The following FAM193A variants were observed in gnomAD, a reference collection of about 807,000 sequenced individuals.
FAM193A encodes the protein protein FAM193A.
FAM193A carries 22 observed loss-of-function variants against 126.5 expected under a neutral mutation model. The ratio of observed to expected loss-of-function variants is 0.17; its 90% CI spans 0.12 to 0.25. The LOEUF is 0.25. Among genes scored for constraint, FAM193A ranks in the 10% least tolerant of loss-of-function variants. The pLI, the probability that FAM193A is intolerant of heterozygous loss-of-function variation, is 1.00. For synonymous variants in FAM193A, 761 were observed against 646.8 expected, an observed-to-expected ratio of 1.18 and a Z score of -2.68; for missense variants, 1,675 against 1,672.8, an observed-to-expected ratio of 1.00 and a Z score of -0.02.
intron 6 of FAM193A, 100 bp downstream of exon 6, chr4:2,639,959 C>A: frequency 2.5e-6 from 3 of 1,184,962 alleles, no homozygotes; most frequent in Non-Finnish European, 3.5e-6. Flanking sequence ...TATGAAAGTT[C>A]TTGCAGGAAA....
rs370211813 is a variant in FAM193A at position 2,682,382 on chromosome 4, T to G, written c.2332-7124T>G. ...TCTTGCTATGTTACCCAAGCTGAACTTGAACTCCTAGCCTCAAGCAGTCCT... is the reference window on the plus strand; with the variant it reads ...TCTTGCTATGTTACCCAAGCTGAACGTGAACTCCTAGCCTCAAGCAGTCCT... On this transcript the variant is annotated intron_variant, in intron 13 of 20. Transcript: ENST00000637812. Among the ~76,000 whole-genome samples the G allele has an allele frequency of 2.6e-5, 4 of 152,286 alleles. 1 individual carries two copies. Among genetic ancestry groups the G allele is most frequent in the East Asian group, 1.9e-4 (1 of 5,180 alleles).
At chr4:2,547,900 C>T (rs565400438) in intron 1 of FAM193A, among the ~76,000 whole-genome samples, 1 of 151,948 alleles carries the variant, frequency 6.6e-6, no homozygotes, top group South Asian at 2.1e-4. Flanking sequence ...GCTGGGGTTG[C>T]AGGCGTGAGC....
intron 5 of FAM193A, among the ~76,000 whole-genome samples, chr4:2,637,120 A>G (rs1398481712): frequency 1.3e-5 from 2 of 152,216 alleles, no homozygotes; most frequent in African/African-American, 2.4e-5. Flanking sequence ...TGAGCCCAGG[A>G]GTTCAAGACC....
chr4:2,571,020 G>A (rs1461281676), intron 1 of FAM193A, among the ~76,000 whole-genome samples: 6 of 152,272 alleles, frequency 3.9e-5, no homozygotes, highest in African/African-American at 1.4e-4. Context: ...GTGGGCAGCT[G>A]TCTGTGCTGT....
intron 1 of FAM193A, among the ~76,000 whole-genome samples, chr4:2,539,900 A>G (rs1737123173): frequency 6.6e-6 from 1 of 151,290 alleles, no homozygotes; most frequent in Non-Finnish European, 1.5e-5. Context: ...GGAGTTCGAA[A>G]CCAGCCTGGT....
chr4:2,639,085 G>C (rs1272270888), intron 5 of FAM193A, among the ~76,000 whole-genome samples: 1 of 152,204 alleles, frequency 6.6e-6, no homozygotes, highest in Non-Finnish European at 1.5e-5. Flanking sequence ...TTACATTTAG[G>C]AAAGGTAATA....
At chr4:2,607,256 C>T (rs943587255) in intron 2 of FAM193A, among the ~76,000 whole-genome samples, 1 of 152,090 alleles carries the variant, frequency 6.6e-6, no homozygotes, top group Non-Finnish European at 1.5e-5. Context: ...GCTTTTTTCC[C>T]GCCTCACAGC....
At chr4:2,658,819 C>T (rs183652440) in intron 8 of FAM193A, among the ~76,000 whole-genome samples, 108 of 152,300 alleles carry the variant, frequency 7.1e-4, no homozygotes, top group South Asian at 5.0e-3. Flanking sequence ...GGCGTGAACT[C>T]GGCTCACTGC....
At chr4:2,620,517 G>A (rs1375138161) in intron 2 of FAM193A, among the ~76,000 whole-genome samples, 1 of 152,088 alleles carries the variant, frequency 6.6e-6, no homozygotes. Context: ...TGGGCACCGC[G>A]CTCATAATCA....
At position 2,668,590 on chromosome 4, in the gene FAM193A, C is replaced by T. The variant is rs181121443; in HGVS notation, c.2080-3531C>T. ...CCAGTAAAATATACAAACTTTGCTC[C>T]GCAGGAGCTCCATTTCCTTCTTTCT... is the stretch of plus-strand genomic sequence containing the variant. On this transcript the variant is annotated intron_variant, in intron 12 of 20. Transcript: ENST00000637812. Among the ~76,000 whole-genome samples, 191 of 152,256 alleles carry T rather than the reference C, an allele frequency of 1.3e-3. 2 individuals carry two copies. Among genetic ancestry groups the T allele is most frequent in the African/African-American group, 6.3e-4 (26 of 41,558 alleles).
intron 3 of FAM193A, among the ~76,000 whole-genome samples, chr4:2,626,014 A>G (rs960212549): frequency 6.6e-5 from 10 of 152,096 alleles, no homozygotes; most frequent in African/African-American, 2.4e-4. Context: ...ATGAGCCACC[A>G]TGCCCAGCCC....
At chr4:2,635,151 C>T (rs1743965237) in intron 5 of FAM193A, among the ~76,000 whole-genome samples, 1 of 152,130 alleles carries the variant, frequency 6.6e-6, no homozygotes, top group African/African-American at 2.4e-5. Context: ...CTAATGCCAG[C>T]CAATCTCTTT....
chr4:2,670,549 TC>T (rs1284552976), intron 12 of FAM193A, among the ~76,000 whole-genome samples: 7 of 152,070 alleles, frequency 4.6e-5, no homozygotes, highest in Non-Finnish European at 7.4e-5. Flanking sequence ...AGCCTGGACC[TC>T]CTGGGCTCAA....
intron 2 of FAM193A, chr4:2,608,130 T>C (rs2108935895): frequency 1.9e-6 from 3 of 1,603,878 alleles, no homozygotes; most frequent in East Asian, 4.5e-5. Flanking sequence ...TCCTTGTAGA[T>C]TGATCTTAAC....
intron 13 of FAM193A, among the ~76,000 whole-genome samples, chr4:2,682,394 C>A (rs1283298646): frequency 6.6e-6 from 1 of 152,096 alleles, no homozygotes; most frequent in African/African-American, 2.4e-5. Context: ...GAACTCCTAG[C>A]CTCAAGCAGT....
Position 2,693,675 on chromosome 4 carries a change from C to T in FAM193A, c.2893C>T (p.Pro965Ser), listed in dbSNP as rs375531144. 6.2e-7 allele frequency: 1 copy of T among 1,614,128 alleles called. No individual in the cohort carries two copies. Among genetic ancestry groups the T allele is most frequent in the Non-Finnish European group, 8.5e-7 (1 of 1,179,948 alleles). The part of the protein sequence containing the change: ...RNSPTGLAPL[P>S]ALSPAALSPA... ...TAGCCCCACGGGCTTGGCCCCCCTCCCAGCGCTCTCGCCTGCTGCGCTGTC... is the reference window on the plus strand; with the variant it reads ...TAGCCCCACGGGCTTGGCCCCCCTCTCAGCGCTCTCGCCTGCTGCGCTGTC... Residue 965 changes from proline (P) to serine (S), a missense_variant, in exon 16 of 21, where the codon CCA becomes TCA. Coordinates refer to ENST00000637812, the MANE Select transcript of FAM193A (RefSeq NM_001366318.2).
intron 6 of FAM193A, among the ~76,000 whole-genome samples, chr4:2,641,944 GA>G (rs200479200): frequency 1.4e-5 from 2 of 146,118 alleles, no homozygotes; most frequent in Non-Finnish European, 3.0e-5. Flanking sequence ...TCTTAAAAAA[GA>G]AAAAAAAAGG....
chr4:2,642,060 G>A (rs971129910), intron 6 of FAM193A, among the ~76,000 whole-genome samples: 1 of 151,300 alleles, frequency 6.6e-6, no homozygotes, highest in Admixed American at 6.6e-5. Context: ...GGAGGTCGAG[G>A]CGGGCAGATC....
At chr4:2,697,006 T>C (rs1200206424) in intron 18 of FAM193A, among the ~76,000 whole-genome samples, 3 of 152,044 alleles carry the variant, frequency 2.0e-5, no homozygotes. Flanking sequence ...GGCGGGGCAC[T>C]TGGCACAGGG....
Sources: allele counts gnomAD v4.1 joint callset (sites outside exome capture counted in the v4.1 genomes callset), GRCh38; gene constraint gnomAD v4.1.1; transcripts MANE v1.5; gene names NCBI Gene and HGNC (gene_info 2026-07-23, HGNC 2026-07-21).